The following CRMP1 variants were observed in gnomAD, a reference collection of about 807,000 sequenced individuals.
The protein encoded by CRMP1 is collapsin response mediator protein 1, also known as dihydropyrimidinase-related protein 1.
Under a neutral mutation model 68.3 loss-of-function variants are expected in CRMP1, and 19 were observed. The observed-to-expected ratio is 0.28, with a 90% confidence interval of 0.19 to 0.41. The LOEUF (loss-of-function observed/expected upper bound fraction) is 0.41, where lower values mean the gene tolerates loss of function less well. Ranked by LOEUF, CRMP1 falls within the 10% of genes least tolerant of loss-of-function variation. CRMP1 has a pLI of 1.00. For missense variants in CRMP1, 791 were observed against 967.4 expected (o/e 0.82, Z 2.42); for synonymous variants, 439 against 399.6 (o/e 1.10, Z -1.18).
intron 1 of CRMP1, among the ~76,000 whole-genome samples, chr4:5,876,015 T>C (rs886846636): frequency 1.3e-5 from 2 of 151,866 alleles, no homozygotes; most frequent in African/African-American, 4.8e-5. Flanking sequence ...TAGCCGAGCA[T>C]GGTGGCAGGC....
At position 5,851,479 on chromosome 4, in the gene CRMP1, G is replaced by T; in HGVS notation, c.821-10C>A. On this transcript the variant is annotated splice_polypyrimidine_tract_variant and intron_variant, in intron 4 of 13. Transcript: ENST00000324989. ...TGGAAGGAATTGACGCCTGTTTCAA[G>T]ATAGAAAGGATAGAAAAATATGTTT... The T allele has an allele frequency of 1.2e-6, 2 of 1,610,926 alleles. No individual in the cohort carries two copies. Among genetic ancestry groups the T allele is most frequent in the Non-Finnish European group, 1.7e-6 (2 of 1,177,106 alleles).
At chr4:5,822,499 G>T (rs201542196) in intron 13 of CRMP1, among the ~76,000 whole-genome samples, 3 of 152,044 alleles carry the variant, frequency 2.0e-5, no homozygotes, top group African/African-American at 7.2e-5. Flanking sequence ...CTGAAGGGGG[G>T]GGGGGTGGTG....
chr4:5,846,543 G>A (rs1242751114), intron 6 of CRMP1, among the ~76,000 whole-genome samples: 2 of 152,016 alleles, frequency 1.3e-5, no homozygotes, highest in Admixed American at 6.6e-5. Flanking sequence ...AATACTGGAA[G>A]CTGAGACTGA....
intron 9 of CRMP1, among the ~76,000 whole-genome samples, chr4:5,837,700 A>AATAAG (rs1560492464): frequency 5.3e-5 from 8 of 151,114 alleles, no homozygotes; most frequent in African/African-American, 1.7e-4. Context: ...AATAAAATAA[A>AATAAG]AAATGAATGG....
intron 4 of CRMP1, among the ~76,000 whole-genome samples, chr4:5,851,878 A>AGC (rs1322530796): frequency 0.03 from 3,762 of 127,160 alleles, 50 homozygotes; most frequent in South Asian, 0.052. Context: ...GAGGAAGAGG[A>AGC]AGAGGAAGAG....
At chr4:5,826,425 A>T (rs534706382) in intron 12 of CRMP1, 1 of 149,738 alleles carries the variant, frequency 6.7e-6, no homozygotes, top group Non-Finnish European at 1.5e-5. Context: ...GGCCAGGTCT[A>T]TGGGGGGCAG....
At chr4:5,873,118 T>C (rs1170730665) in intron 1 of CRMP1, among the ~76,000 whole-genome samples, 2 of 152,178 alleles carry the variant, frequency 1.3e-5, no homozygotes, top group South Asian at 2.1e-4. Context: ...TAAATGCAGC[T>C]TGTGCCCTCA....
rs1720906735 is a variant in CRMP1 at position 5,838,944 on chromosome 4, CTG to C, written c.1310+576_1310+577del. Among the ~76,000 whole-genome samples the C allele has an allele frequency of 6.6e-6, 1 of 152,216 alleles. No individual in the cohort carries two copies. The highest frequency in any genetic ancestry group is 2.4e-5 in the African/African-American group (1 of 41,470). ...AGAGCGGCCTGGACACTTAGCCTCG[CTG>C]TGTGGCCCTGCTATTGCTAAGTGCT... is the stretch of plus-strand genomic sequence containing the variant. On this transcript the variant is annotated intron_variant, in intron 9 of 13. Transcript: ENST00000324989. The surrounding 1 kb of genome is among the most constrained non-coding windows in gnomAD (Gnocchi z 4.9).
rs1719457386 is a variant in CRMP1 at position 5,825,721 on chromosome 4, A to G, written c.1804-62T>C. 6.4e-7 allele frequency: 1 copy of G among 1,564,482 alleles called. No individual in the cohort carries two copies. The highest frequency in any genetic ancestry group is 2.0e-5 in the Admixed American group (1 of 50,904). On this transcript the variant is annotated intron_variant, in intron 12 of 13. Transcript: ENST00000324989. This position sits in a 1 kb window ranked among gnomAD's most constrained non-coding sequence, Gnocchi z 4.4. ...TGTGCATGTGTGCCCTTCTGGGCAG[A>G]TAAAGCAGAGCCCTGCGGGCGAGAG...
intron 1 of CRMP1, among the ~76,000 whole-genome samples, chr4:5,876,374 G>A (rs1373530527): frequency 9.9e-5 from 15 of 152,084 alleles, no homozygotes; most frequent in Non-Finnish European, 1.9e-4. Context: ...TTGCAATCAC[G>A]AAGAGGTGGG....
intron 3 of CRMP1, among the ~76,000 whole-genome samples, chr4:5,857,315 A>T (rs1713212706): frequency 6.6e-6 from 1 of 151,354 alleles, no homozygotes; most frequent in Non-Finnish European, 1.5e-5. Flanking sequence ...TATCACCATC[A>T]TCATCATCCC....
At position 5,885,290 on chromosome 4, in the gene CRMP1, C is replaced by T. The variant is rs543719018; in HGVS notation, c.381+7299G>A. Among the ~76,000 whole-genome samples the T allele has an allele frequency of 3.9e-5, 6 of 152,248 alleles. No individual in the cohort carries two copies. The South Asian group carries it at 1.0e-3, about 26-fold the overall frequency. ...TCATTGGCAAAGCTACACCCTTATC[C>T]CCACTGTGCAGATGAGACAGCTGAG... is the stretch of plus-strand genomic sequence containing the variant. On this transcript the variant is annotated intron_variant, in intron 1 of 13. Coordinates refer to ENST00000324989, the MANE Select transcript of CRMP1 (RefSeq NM_001014809.3).
chr4:5,890,005 T>C lies in CRMP1; in HGVS notation c.381+2584A>G, dbSNP rs1225017814. On this transcript the variant is annotated intron_variant, in intron 1 of 13. Coordinates refer to ENST00000324989, the MANE Select transcript of CRMP1 (RefSeq NM_001014809.3). This position sits in a 1 kb window ranked among gnomAD's most constrained non-coding sequence, Gnocchi z 5.5. ...ACATATTAGCTGCAGCAAAGCAGCA[T>C]GGAGATGCCAGGTTCCCCTACACTC... 3 of 990,524 alleles carry C rather than the reference T, an allele frequency of 3.0e-6. No individual in the cohort carries two copies. Among genetic ancestry groups the C allele is most frequent in the African/African-American group, 1.6e-5 (1 of 60,704 alleles). The allele number at this position is 990,524 out of a possible 1,614,324, so 61.4% of individuals were successfully genotyped here. A position where few individuals can be genotyped will look rare whatever the true frequency, so the allele number is the denominator to read the frequency against.
Position 5,856,255 on chromosome 4 carries a change from C to G in CRMP1, c.708G>C (p.Lys236Asn), listed in dbSNP as rs371476843. The G allele has an allele frequency of 8.7e-6, 14 of 1,613,764 alleles. No homozygotes were observed. In the African/African-American group the frequency reaches 1.7e-4, roughly 20 times the overall value. Residue 236 changes from lysine (K) to asparagine (N), a missense_variant, in exon 4 of 14, where the codon AAG (lysine) becomes AAC (asparagine). Coordinates refer to ENST00000324989, the MANE Select transcript of CRMP1 (RefSeq NM_001014809.3). ...ATTTGGTGTCAGCTGCTTCGTGCCA[C>G]TTCTCGAAAGAGGTCAGTAGGCTGG... ...PGSSLLTSFE[K>N]WHEAADTKSC...
At chr4:5,878,350 T>C (rs976537944) in intron 1 of CRMP1, among the ~76,000 whole-genome samples, 5 of 152,086 alleles carry the variant, frequency 3.3e-5, no homozygotes, top group African/African-American at 1.2e-4. Flanking sequence ...ACTACACTTA[T>C]CTGCTCAGTG....
In CRMP1 at chr4:5,854,761, G is replaced by A. The variant is rs1391112057; in HGVS notation, c.820+1382C>T. ...CAATAATGCCCAATGGTGCAAAGGT[G>A]CAGGGACTAGAGATTCTGGCATAGG... On this transcript the variant is annotated intron_variant, in intron 4 of 13. Coordinates refer to ENST00000324989, the MANE Select transcript of CRMP1 (RefSeq NM_001014809.3). The surrounding 1 kb of genome is among the most constrained non-coding windows in gnomAD (Gnocchi z 4.0). 6.6e-6 allele frequency among the ~76,000 whole-genome samples: 1 copy of A among 152,194 alleles called. No homozygotes were observed. The highest frequency in any genetic ancestry group is 6.5e-5 in the Admixed American group (1 of 15,288).
chr4:5,861,199 TCTC>T lies in CRMP1; in HGVS notation c.479_481del (p.Gly160del). The T allele has an allele frequency of 6.2e-7, 1 of 1,613,742 alleles. No homozygotes were observed. Among genetic ancestry groups the T allele is most frequent in the East Asian group, 2.2e-5 (1 of 44,876 alleles). ...CACTCCACCAGGAACGATTAAGTTC[TCTC>T]CTATTTGTCTGGAGGCAAACAACAG... is the stretch of plus-strand genomic sequence containing the variant. On this transcript the variant is annotated inframe_deletion, in exon 3 of 14. Transcript: ENST00000324989. The surrounding 1 kb of genome is among the most constrained non-coding windows in gnomAD (Gnocchi z 6.0).
rs936539008 is a variant in CRMP1, at chr4:5,853,340, G to T, written c.821-1871C>A. 6.6e-6 allele frequency among the ~76,000 whole-genome samples: 1 copy of T among 152,168 alleles called. No individual in the cohort carries two copies. The highest frequency in any genetic ancestry group is 2.4e-5 in the African/African-American group (1 of 41,448). On this transcript the variant is annotated intron_variant, in intron 4 of 13. Coordinates refer to ENST00000324989, the MANE Select transcript of CRMP1 (RefSeq NM_001014809.3). This position sits in a 1 kb window ranked among gnomAD's most constrained non-coding sequence, Gnocchi z 4.7. ...AGGGGGAAGAATCACTTTAACCTGG[G>T]AGGCAGTGAGCTGAGATCTCGCCAT... is the stretch of plus-strand genomic sequence containing the variant.
chr4:5,829,275 A>G (rs970823259), intron 11 of CRMP1, among the ~76,000 whole-genome samples: 2 of 152,088 alleles, frequency 1.3e-5, no homozygotes, highest in African/African-American at 2.4e-5. Flanking sequence ...TGTACCCCCA[A>G]CTACTCGGGA....
Sources: allele counts gnomAD v4.1 joint callset (sites outside exome capture counted in the v4.1 genomes callset), GRCh38; gene constraint gnomAD v4.1.1; non-coding constraint Gnocchi (gnomAD v3.1); transcripts MANE v1.5; gene names NCBI Gene and HGNC (gene_info 2026-07-23, HGNC 2026-07-21).